Variants in PLBD1 observed in about 807,000 individuals in gnomAD.
The protein encoded by PLBD1 is lysosomal leucine aminopeptidase.
PLBD1 carries 60 observed loss-of-function variants against 63.0 expected under a neutral mutation model. The observed-to-expected ratio is 0.95, with a 90% CI of 0.77 to 1.18. The LOEUF (loss-of-function observed/expected upper bound fraction) is 1.18. Ranked by LOEUF, PLBD1 falls within the 50% of genes most tolerant of loss-of-function variation. The pLI, the probability that PLBD1 is intolerant of heterozygous loss-of-function variation, is 0.00. For missense variants in PLBD1, 598 were observed against 677.9 expected, an observed-to-expected ratio of 0.88 and a Z score of 1.31; for synonymous variants, 262 against 248.0, an observed-to-expected ratio of 1.06 and a Z score of -0.53.
intron 6 of PLBD1, among the ~76,000 whole-genome samples, chr12:14,528,477 T>C (rs1945434278): frequency 6.6e-6 from 1 of 152,168 alleles, no homozygotes; most frequent in Non-Finnish European, 1.5e-5. Context: ...AATTAAACAA[T>C]ACACTTCCAA....
chr12:14,550,842 C>T (rs1439377794), intron 2 of PLBD1, among the ~76,000 whole-genome samples: 1 of 151,184 alleles, frequency 6.6e-6, no homozygotes, highest in Non-Finnish European at 1.5e-5. Flanking sequence ...CACGCCATCG[C>T]ACTCTAGCCT....
intron 2 of PLBD1, among the ~76,000 whole-genome samples, chr12:14,546,578 C>T (rs1945618365): frequency 6.6e-6 from 1 of 152,130 alleles, no homozygotes; most frequent in Non-Finnish European, 1.5e-5. Context: ...AGGAGCATTT[C>T]TAGAGACATT....
At chr12:14,534,529 T>C (rs1319504408) in intron 6 of PLBD1, among the ~76,000 whole-genome samples, 1 of 131,232 alleles carries the variant, frequency 7.6e-6, no homozygotes, top group East Asian at 2.9e-4. Context: ...TGTTTCCACT[T>C]TCTCTTTTCT....
At chr12:14,535,183 T>C (rs1945503194) in intron 6 of PLBD1, among the ~76,000 whole-genome samples, 2 of 152,242 alleles carry the variant, frequency 1.3e-5, no homozygotes, top group Admixed American at 6.5e-5. Flanking sequence ...GTGTAAGGTT[T>C]ATAAACTTAC....
chr12:14,543,763 CAATTA>C (rs1212287943), intron 2 of PLBD1, among the ~76,000 whole-genome samples: 2 of 152,142 alleles, frequency 1.3e-5, no homozygotes, highest in African/African-American at 4.8e-5. Flanking sequence ...TTAACCTTTA[CAATTA>C]AATTGTATTA....
intron 9 of PLBD1, among the ~76,000 whole-genome samples, 154 bp downstream of exon 9, chr12:14,506,779 A>G (rs1170873619): frequency 4.6e-5 from 7 of 152,096 alleles, no homozygotes; most frequent in Admixed American, 2.0e-4. Context: ...CCAAAGCTCT[A>G]TTTATTGAGT....
chr12:14,562,668 C>T (rs766359370), intron 1 of PLBD1, among the ~76,000 whole-genome samples: 7 of 152,030 alleles, frequency 4.6e-5, no homozygotes, highest in East Asian at 1.9e-4. Context: ...GCTGGATGTT[C>T]GAAAGATTGT....
intron 6 of PLBD1, among the ~76,000 whole-genome samples, chr12:14,531,380 A>C (rs1945460448): frequency 6.6e-6 from 1 of 151,976 alleles, no homozygotes; most frequent in Non-Finnish European, 1.5e-5. Flanking sequence ...CCCTAACACC[A>C]TTTTCTTAAT....
At chr12:14,553,149 C>T (rs1271118641) in intron 2 of PLBD1, 44 bp downstream of exon 2, 3 of 1,512,650 alleles carry the variant, frequency 2.0e-6, no homozygotes, top group Middle Eastern at 4.6e-4. Context: ...ATGGGAAGGA[C>T]AGGGGTTGCC....
intron 2 of PLBD1, among the ~76,000 whole-genome samples, chr12:14,543,079 A>AT (rs60433555): frequency 0.92 from 140,537 of 152,202 alleles, 65,744 homozygotes; most frequent in Non-Finnish European, 0.99. Context: ...ATCCACTTAT[A>AT]TTACTGGGAT....
chr12:14,560,098 G>A (rs1945734652), intron 1 of PLBD1, among the ~76,000 whole-genome samples: 1 of 152,182 alleles, frequency 6.6e-6, no homozygotes, highest in South Asian at 2.1e-4. Flanking sequence ...GACCTCAGGT[G>A]ATTTGCCTGC....
intron 8 of PLBD1, 84 bp from the exon 9 acceptor site, chr12:14,507,202 A>G (rs147713610): frequency 3.8e-6 from 4 of 1,060,962 alleles, no homozygotes; most frequent in African/African-American, 1.6e-5. Flanking sequence ...AATGTTATCC[A>G]TGTTCATTTA....
chr12:14,526,664 T>C (rs879847589), intron 6 of PLBD1, among the ~76,000 whole-genome samples: 1 of 152,128 alleles, frequency 6.6e-6, no homozygotes, highest in Non-Finnish European at 1.5e-5. Context: ...ATGAAAGTAC[T>C]GGAGGAGCTG....
At chr12:14,533,867 G>A (rs555559725) in intron 6 of PLBD1, among the ~76,000 whole-genome samples, 28 of 152,324 alleles carry the variant, frequency 1.8e-4, no homozygotes, top group Middle Eastern at 6.8e-3. Flanking sequence ...GATAGGGGCC[G>A]GACATGATTG....
intron 2 of PLBD1, 39 bp downstream of exon 2, chr12:14,553,154 G>T (rs1490663894): frequency 6.5e-7 from 1 of 1,534,606 alleles, no homozygotes; most frequent in African/African-American, 1.4e-5. Flanking sequence ...AAGGACAGGG[G>T]TTGCCTGGCA....
At chr12:14,565,555 C>T (rs1383824897) in intron 1 of PLBD1, among the ~76,000 whole-genome samples, 1 of 151,694 alleles carries the variant, frequency 6.6e-6, no homozygotes, top group Admixed American at 6.6e-5. Context: ...AAAATCCATT[C>T]CAAGGGGATG....
chr12:14,534,774 C>T (rs992794687), intron 6 of PLBD1, among the ~76,000 whole-genome samples: 7 of 152,168 alleles, frequency 4.6e-5, no homozygotes, highest in African/African-American at 1.2e-4. Context: ...AATCTCCTGA[C>T]CTCGTGATCC....
chr12:14,511,286 G>A lies in PLBD1; in HGVS notation c.1160C>T (p.Ser387Phe). 6.2e-7 allele frequency: 1 copy of A among 1,603,252 alleles called. No individual in the cohort carries two copies. The highest frequency in any genetic ancestry group is 8.5e-7 in the Non-Finnish European group (1 of 1,176,880). ...TTTCCGTAGAACATCAGTTTGTTCAGAATATTCTACATATGTAGGAATTTG... is the reference window on the plus strand; with the variant it reads ...TTTCCGTAGAACATCAGTTTGTTCAAAATATTCTACATATGTAGGAATTTG... ...VEQIPTYVEY[S>F]EQTDVLRKGY... is the part of the protein sequence containing the mutation. Residue 387 changes from serine to phenylalanine, a missense_variant, in exon 8 of 11, where the codon TCT becomes TTT. Physicochemically the swap from Ser to Phe is radical, Grantham distance 155. Coordinates refer to ENST00000240617, the MANE Select transcript of PLBD1 (RefSeq NM_024829.6).
At chr12:14,563,801 C>T (rs555181761) in intron 1 of PLBD1, among the ~76,000 whole-genome samples, 1 of 152,140 alleles carries the variant, frequency 6.6e-6, no homozygotes, top group Non-Finnish European at 1.5e-5. Flanking sequence ...CAAACACAGG[C>T]ATTAGGGTTC....
Sources: gnomAD v4.1 joint callset for allele counts (sites outside exome capture counted in the v4.1 genomes callset) on GRCh38, gnomAD v4.1.1 for gene constraint, MANE v1.5 for transcripts, NCBI Gene and HGNC (gene_info 2026-07-23, HGNC 2026-07-21) for gene names.